Variants in SLC35F4 observed in about 807,000 individuals in gnomAD.
SLC35F4 encodes solute carrier family 35 member F4.
A neutral mutation model predicts 44.2 loss-of-function variants in SLC35F4; 24 were observed. The observed-to-expected ratio is 0.54, with a 90% confidence interval of 0.39 to 0.76. The LOEUF is 0.76. Among genes scored for constraint, SLC35F4 ranks in the 30% least tolerant of loss-of-function variants. SLC35F4 has a pLI of 0.00. For missense variants in SLC35F4, 562 were observed against 586.1 expected, an observed-to-expected ratio of 0.96 and a Z score of 0.42; for synonymous variants, 238 against 223.6, an observed-to-expected ratio of 1.06 and a Z score of -0.57.
intron 1 of SLC35F4, among the ~76,000 whole-genome samples, chr14:57,843,517 T>TC (rs1885694620): frequency 6.6e-6 from 1 of 152,070 alleles, no homozygotes; most frequent in African/African-American, 2.4e-5. Context: ...GAGCTCCTCT[T>TC]CCCTAACTCA....
chr14:57,858,270 G>A (rs1331943008), intron 1 of SLC35F4, among the ~76,000 whole-genome samples: 4 of 151,918 alleles, frequency 2.6e-5, no homozygotes, highest in Non-Finnish European at 4.4e-5. Flanking sequence ...GCAAAGACTC[G>A]GAACCAACCC....
rs1890006641 is a variant in SLC35F4, at chr14:57,945,437, TAA to T, written n.282+36474_282+36475del. Among the ~76,000 whole-genome samples, 14 of 89,634 alleles carry T rather than the reference TAA, an allele frequency of 1.6e-4. 1 individual carries two copies. The highest frequency in any genetic ancestry group is 8.7e-4 in the African/African-American group (14 of 16,106). The allele number at this position is 89,634 out of a possible 152,430, so 58.8% of individuals were successfully genotyped here. On this transcript the variant is annotated intron_variant and non_coding_transcript_variant, in intron 1 of 1. Coordinates refer to the SLC35F4 transcript ENST00000556568. ...GCTCTTTACCAGGTAAGAGCAATGA[TAA>T]TGTGTGTGTGTGTGTGTGTGTGTGT...
intron 1 of SLC35F4, among the ~76,000 whole-genome samples, chr14:57,746,093 G>T (rs1018696473): frequency 4.6e-5 from 7 of 152,010 alleles, no homozygotes; most frequent in African/African-American, 7.3e-5. Flanking sequence ...TGGAGTGGGG[G>T]GCAGGGGGAA....
intron 1 of SLC35F4, among the ~76,000 whole-genome samples, chr14:57,856,894 C>G (rs1053683859): frequency 1.3e-5 from 2 of 152,028 alleles, no homozygotes; most frequent in Admixed American, 1.3e-4. Context: ...AAGATCAATA[C>G]TAACAACTTC....
intron 1 of SLC35F4, among the ~76,000 whole-genome samples, chr14:57,773,512 T>C (rs961435474): frequency 6.6e-6 from 1 of 152,204 alleles, no homozygotes; most frequent in Admixed American, 6.5e-5. Context: ...GCCATTTCTC[T>C]CTGCCACTGT....
intron 1 of SLC35F4, among the ~76,000 whole-genome samples, chr14:57,657,506 C>T (rs10483688): frequency 2.0e-5 from 3 of 152,084 alleles, no homozygotes; most frequent in Non-Finnish European, 4.4e-5. Flanking sequence ...TCACAGTAAA[C>T]GTTGCTAGAA....
rs532996374 is a variant in SLC35F4 at position 57,815,810 on chromosome 14, T to C, written c.103+49913A>G. Among the ~76,000 whole-genome samples, 5 of 152,290 alleles carry C rather than the reference T, an allele frequency of 3.3e-5. No individual in the cohort carries two copies. The East Asian group carries it at 9.7e-4, about 29-fold the overall frequency. Reference sequence around the variant, plus strand: ...TACCAACCTTGCCAGCAATAACTTTTCTTACATTCCTCCTCATAGGCACAA... The same window carrying C: ...TACCAACCTTGCCAGCAATAACTTTCCTTACATTCCTCCTCATAGGCACAA... On this transcript the variant is annotated intron_variant, in intron 1 of 7. Transcript: ENST00000556826.
intron 1 of SLC35F4, among the ~76,000 whole-genome samples, chr14:57,714,190 A>T (rs963739635): frequency 6.6e-6 from 1 of 152,186 alleles, no homozygotes; most frequent in Non-Finnish European, 1.5e-5. Context: ...TCTAAAAATC[A>T]TTATTCTTTG....
intron 1 of SLC35F4, among the ~76,000 whole-genome samples, chr14:57,968,081 T>C (rs1009429085): frequency 6.6e-6 from 1 of 152,196 alleles, no homozygotes; most frequent in Non-Finnish European, 1.5e-5. Context: ...AAATAAAATT[T>C]GTCAGAAATG....
intron 1 of SLC35F4, among the ~76,000 whole-genome samples, chr14:57,737,122 G>GTT (rs1321460268): frequency 2.6e-5 from 4 of 151,158 alleles, no homozygotes; most frequent in Non-Finnish European, 4.4e-5. Flanking sequence ...GTGTGTGTGT[G>GTT]TGCATGTGTG....
Position 57,865,908 on chromosome 14 carries a change from C to A in SLC35F4, c.-83G>T. The stretch of plus-strand genomic sequence containing the variant: ...CGGGAGCTGGTGCAGGTGCCGGAGC[C>A]GCTGGTGCTGATCTTGCAGCTCCTG... On this transcript the variant is annotated 5_prime_UTR_variant, in exon 1 of 8. Transcript: ENST00000556826. 2 of 949,476 alleles carry A rather than the reference C, an allele frequency of 2.1e-6. No individual in the cohort carries two copies. The highest frequency in any genetic ancestry group is 3.0e-6 in the Non-Finnish European group (2 of 670,612). 58.8% of individuals were successfully genotyped at this position (949,476 alleles called of 1,614,324 possible). A position where few individuals can be genotyped will look rare whatever the true frequency, so the allele number is the denominator to read the frequency against.
At chr14:57,608,268 A>G (rs925458134) in intron 1 of SLC35F4, among the ~76,000 whole-genome samples, 1 of 152,160 alleles carries the variant, frequency 6.6e-6, no homozygotes, top group African/African-American at 2.4e-5. Flanking sequence ...TGAGCATGTG[A>G]CCTTATTTAG....
chr14:57,632,777 C>G (rs557341351), intron 1 of SLC35F4, among the ~76,000 whole-genome samples: 3 of 152,026 alleles, frequency 2.0e-5, no homozygotes, highest in Admixed American at 6.6e-5. Flanking sequence ...CTCACTGCAA[C>G]GTCCAACTAT....
At chr14:57,827,938 G>C (rs1169826274) in intron 1 of SLC35F4, among the ~76,000 whole-genome samples, 1 of 152,086 alleles carries the variant, frequency 6.6e-6, no homozygotes, top group Non-Finnish European at 1.5e-5. Flanking sequence ...CTAATAACCT[G>C]CATCTACATT....
intron 7 of SLC35F4, among the ~76,000 whole-genome samples, chr14:57,565,817 T>G (rs2068178826): frequency 6.6e-6 from 1 of 152,210 alleles, no homozygotes; most frequent in African/African-American, 2.4e-5. Context: ...TGATAAATAT[T>G]CAATAAACAT....
intron 1 of SLC35F4, among the ~76,000 whole-genome samples, chr14:57,628,220 G>A (rs1189395429): frequency 2.1e-5 from 3 of 140,630 alleles, no homozygotes; most frequent in Admixed American, 7.5e-5. Context: ...AAAAGACATC[G>A]CTGATGCTTT....
intron 2 of SLC35F4, among the ~76,000 whole-genome samples, chr14:57,590,226 C>CAAAAAAAAAAAAAAAAAAAAA (rs55850524): frequency 1.7e-5 from 2 of 119,170 alleles, no homozygotes; most frequent in African/African-American, 3.3e-5. Context: ...CTTGTCTATG[C>CAAAAAAAAAAAAAAAAAAAAA]AAAAAAAAAA....
At chr14:57,912,518 C>T (rs907340156) in intron 1 of SLC35F4, among the ~76,000 whole-genome samples, 1 of 151,868 alleles carries the variant, frequency 6.6e-6, no homozygotes, top group African/African-American at 2.4e-5. Context: ...GAGATTTTGC[C>T]TTTGACCCAT....
chr14:57,756,104 C>T (rs2076988688), intron 1 of SLC35F4, among the ~76,000 whole-genome samples: 1 of 152,186 alleles, frequency 6.6e-6, no homozygotes, highest in African/African-American at 2.4e-5. Flanking sequence ...TTATTATTTC[C>T]TGCCTTCTGC....
Sources: allele counts gnomAD v4.1 joint callset (sites outside exome capture counted in the v4.1 genomes callset), GRCh38; gene constraint gnomAD v4.1.1; transcripts MANE v1.5; gene names NCBI Gene and HGNC (gene_info 2026-07-23, HGNC 2026-07-21).